Variants in OTUD7A observed in about 807,000 individuals in gnomAD.
The protein encoded by OTUD7A is OTU domain-containing protein 7A.
OTUD7A carries 12 observed loss-of-function variants against 65.7 expected under a neutral mutation model. The observed-to-expected ratio is 0.18, with a 90% CI of 0.12 to 0.30. The LOEUF is 0.30. OTUD7A is among the 10% of genes least tolerant of loss of function. The pLI, the probability that OTUD7A is intolerant of heterozygous loss-of-function variation, is 1.00. For missense variants in OTUD7A, 1,148 were observed against 1,304.8 expected, an observed-to-expected ratio of 0.88 and a Z score of 1.85; for synonymous variants, 641 against 586.3, an observed-to-expected ratio of 1.09 and a Z score of -1.35.
At chr15:31,611,756 T>A (rs1468459487) in intron 3 of OTUD7A, among the ~76,000 whole-genome samples, 1 of 152,054 alleles carries the variant, frequency 6.6e-6, no homozygotes, top group Non-Finnish European at 1.5e-5. Flanking sequence ...TTGACACTAT[T>A]CCACAAGATA....
intron 8 of OTUD7A, among the ~76,000 whole-genome samples, chr15:31,519,788 C>T (rs1032922565): frequency 6.6e-6 from 1 of 152,154 alleles, no homozygotes; most frequent in Admixed American, 6.5e-5. Flanking sequence ...ATTTGATACA[C>T]AAATTTAGTA....
At chr15:31,569,994 C>T in intron 4 of OTUD7A, 24 bp downstream of exon 4, 2 of 1,612,240 alleles carry the variant, frequency 1.2e-6, no homozygotes, top group African/African-American at 1.3e-5. Flanking sequence ...GCGGCTGTGC[C>T]TAGGCTCAGT....
chr15:31,856,522 T>G lies in OTUD7A; in HGVS notation c.-100+13985A>C, dbSNP rs116608226. On this transcript the variant is annotated intron_variant, in intron 1 of 12. Transcript: ENST00000307050. ...AGAGAGGAACAAAATGCTGAGAGTG[T>G]GGGGTTTGAGAAGCTCTGTATTAGT... is the stretch of plus-strand genomic sequence containing the variant. 7.0e-3 allele frequency among the ~76,000 whole-genome samples: 1,067 copies of G among 152,344 alleles called. 15 individuals carry two copies. Among genetic ancestry groups the G allele is most frequent in the African/African-American group, 0.025 (1,027 of 41,570 alleles).
At chr15:31,640,081 C>T (rs577715535) in intron 3 of OTUD7A, among the ~76,000 whole-genome samples, 206 of 152,120 alleles carry the variant, frequency 1.4e-3, no homozygotes, top group South Asian at 2.5e-3. Context: ...AAATCTTTTC[C>T]TAAGACAAGG....
At chr15:31,747,595 T>C (rs1420757073) in intron 1 of OTUD7A, among the ~76,000 whole-genome samples, 1 of 152,146 alleles carries the variant, frequency 6.6e-6, no homozygotes, top group Non-Finnish European at 1.5e-5. Context: ...TAAGTCCATA[T>C]AAATAGATGA....
At chr15:31,835,050 T>A (rs998845477) in intron 1 of OTUD7A, among the ~76,000 whole-genome samples, 1 of 152,196 alleles carries the variant, frequency 6.6e-6, no homozygotes, top group African/African-American at 2.4e-5. Context: ...AAAAATTAAA[T>A]ACATATTACA....
intron 1 of OTUD7A, among the ~76,000 whole-genome samples, chr15:31,764,560 G>A (rs563028599): frequency 6.6e-6 from 1 of 152,226 alleles, no homozygotes; most frequent in African/African-American, 2.4e-5. Flanking sequence ...GTTTTAAGAT[G>A]AGAGTCATTT....
intron 1 of OTUD7A, among the ~76,000 whole-genome samples, chr15:31,796,143 G>GTGTGTGTGTGTT (rs1491157573): frequency 2.5e-3 from 13 of 5,210 alleles, no homozygotes; most frequent in Middle Eastern, 0.5. Flanking sequence ...TAAGGGGTGC[G>GTGTGTGTGTGTT]TGTGTGTGTG....
chr15:31,483,235 C>T lies in OTUD7A; in HGVS notation c.*59G>A. 1 of 1,055,894 alleles carries T rather than the reference C, an allele frequency of 9.5e-7. No individual in the cohort carries two copies. Among genetic ancestry groups the T allele is most frequent in the Non-Finnish European group, 1.1e-6 (1 of 876,794 alleles). 65.4% of individuals were successfully genotyped at this position (1,055,894 alleles called of 1,614,324 possible). A position where few individuals can be genotyped will look rare whatever the true frequency, so the allele number is the denominator to read the frequency against. On this transcript the variant is annotated 3_prime_UTR_variant, in exon 13 of 13. Coordinates refer to ENST00000307050, the MANE Select transcript of OTUD7A (RefSeq NM_001382637.1). ...CCAGGGCATGTAAAAAAGACACCGACACAATGGAAAAGAAATCCTCGAAGG... is the reference window on the plus strand; with the variant it reads ...CCAGGGCATGTAAAAAAGACACCGATACAATGGAAAAGAAATCCTCGAAGG...
intron 1 of OTUD7A, among the ~76,000 whole-genome samples, chr15:31,771,284 G>C (rs1041392781): frequency 3.3e-5 from 5 of 152,104 alleles, no homozygotes; most frequent in African/African-American, 1.2e-4. Context: ...CCGGTTTATT[G>C]GACTATCTAT....
In OTUD7A at chr15:31,485,303, C is replaced by T. The variant is rs144507118; in HGVS notation, c.1372-579G>A. 9.2e-5 allele frequency among the ~76,000 whole-genome samples: 14 copies of T among 152,360 alleles called. No homozygotes were observed. The East Asian group carries it at 1.9e-3, about 21-fold the overall frequency. On this transcript the variant is annotated intron_variant, in intron 12 of 12. Transcript: ENST00000307050. Reference sequence around the variant, plus strand: ...CATGGGACAGAAACCTTGCACTCAACCTCATTCATCGGATCTTGGATCAAA... The same window carrying T: ...CATGGGACAGAAACCTTGCACTCAATCTCATTCATCGGATCTTGGATCAAA...
Position 31,483,961 on chromosome 15 carries a change from AC to A in OTUD7A, c.2134del (p.Val712SerfsTer275). ...TGGGCCCGGAGAGGCGCGCTCCGGG[AC>A]CGGCACGCCCTCCGTCTCCGGTCTG... ...PRRPETEGVPVPERASPGPPT... is the reference protein window; with the variant it reads ...PRRPETEGVPXPERASPGPPT... On this transcript the variant is annotated frameshift_variant, in exon 13 of 13. Transcript: ENST00000307050. LOFTEE classifies it low-confidence loss of function (END_TRUNC). The A allele has an allele frequency of 8.8e-7, 1 of 1,132,058 alleles. No homozygotes were observed. The highest frequency in any genetic ancestry group is 3.9e-5 in the Admixed American group (1 of 25,922). The allele number at this position is 1,132,058 out of a possible 1,614,324, so 70.1% of individuals were successfully genotyped here.
chr15:31,822,851 G>A (rs1254725866), intron 1 of OTUD7A, among the ~76,000 whole-genome samples: 1 of 152,178 alleles, frequency 6.6e-6, no homozygotes, highest in Non-Finnish European at 1.5e-5. Flanking sequence ...GGGGAAGGCT[G>A]CGTACCCTAA....
chr15:31,685,113 G>C (rs1892806364), intron 1 of OTUD7A, among the ~76,000 whole-genome samples: 1 of 152,216 alleles, frequency 6.6e-6, no homozygotes, highest in East Asian at 1.9e-4. Flanking sequence ...AAATAAGTCT[G>C]ATTGATCCCA....
At chr15:31,520,211 A>C in intron 8 of OTUD7A, among the ~76,000 whole-genome samples, 1 of 152,240 alleles carries the variant, frequency 6.6e-6, no homozygotes, top group East Asian at 1.9e-4. Flanking sequence ...ACAAAGCTGA[A>C]GGATAACATC....
chr15:31,832,299 T>C (rs1443015785), intron 1 of OTUD7A, among the ~76,000 whole-genome samples: 3 of 152,196 alleles, frequency 2.0e-5, no homozygotes, highest in African/African-American at 7.2e-5. Context: ...GGGAACCTCA[T>C]GTGCTCAAGA....
intron 8 of OTUD7A, among the ~76,000 whole-genome samples, chr15:31,519,966 C>T (rs1275797672): frequency 6.6e-6 from 1 of 152,012 alleles, no homozygotes; most frequent in East Asian, 1.9e-4. Context: ...AGGAGGACTA[C>T]AAAATGCTGA....
intron 5 of OTUD7A, among the ~76,000 whole-genome samples, chr15:31,548,144 G>A (rs776461460): frequency 2.0e-5 from 3 of 148,584 alleles, no homozygotes; most frequent in Non-Finnish European, 3.0e-5. Flanking sequence ...CTCTGTGTGA[G>A]GAGTGTTAAA....
chr15:31,794,041 T>C (rs915965551), intron 1 of OTUD7A, among the ~76,000 whole-genome samples: 2 of 152,280 alleles, frequency 1.3e-5, no homozygotes, highest in Admixed American at 1.3e-4. Context: ...CATCTAAGCC[T>C]TCTTTGATTA....
Sources: allele counts gnomAD v4.1 joint callset (sites outside exome capture counted in the v4.1 genomes callset), GRCh38; gene constraint gnomAD v4.1.1; transcripts MANE v1.5; gene names NCBI Gene and HGNC (gene_info 2026-07-23, HGNC 2026-07-21).